The following TMEM131 variants were observed in gnomAD, a reference collection of about 807,000 sequenced individuals.
TMEM131 encodes the protein transmembrane protein 131.
A neutral mutation model predicts 211.6 loss-of-function variants in TMEM131; 66 were observed. The observed-to-expected ratio is 0.31, with a 90% CI of 0.26 to 0.38. The LOEUF (loss-of-function observed/expected upper bound fraction) is 0.38. TMEM131 is among the 10% of genes least tolerant of loss of function. The probability of loss-of-function intolerance (pLI) is 1.00; values close to 1 mark genes in which losing one functional copy is unlikely to be tolerated. For synonymous variants in TMEM131, 844 were observed against 841.3 expected, an observed-to-expected ratio of 1.00 and a Z score of -0.06; for missense variants, 2,036 against 2,299.3, an observed-to-expected ratio of 0.89 and a Z score of 2.34.
At position 97,819,121 on chromosome 2, in the gene TMEM131, G is replaced by A. The variant is rs80213803; in HGVS notation, c.1075-400C>T. Reference sequence around the variant, plus strand: ...TGAGGAAATATCTGAACCATATGACGGTGAAGAATAAACATGAACTTGGAA... The same window carrying A: ...TGAGGAAATATCTGAACCATATGACAGTGAAGAATAAACATGAACTTGGAA... On this transcript the variant is annotated intron_variant, in intron 11 of 40. Transcript: ENST00000186436. Among the ~76,000 whole-genome samples the A allele has an allele frequency of 2.7e-3, 409 of 152,288 alleles. 5 individuals are homozygous for A. The highest frequency in any genetic ancestry group is 0.026 in the East Asian group (135 of 5,188).
At chr2:97,854,212 G>A (rs1401656899) in intron 5 of TMEM131, among the ~76,000 whole-genome samples, 4 of 152,198 alleles carry the variant, frequency 2.6e-5, no homozygotes, top group Non-Finnish European at 5.9e-5. Flanking sequence ...AAAAGATGAC[G>A]ACTTGCAGAA....
chr2:97,811,890 T>C (rs965011662), intron 17 of TMEM131, among the ~76,000 whole-genome samples: 2 of 152,234 alleles, frequency 1.3e-5, no homozygotes, highest in African/African-American at 4.8e-5. Flanking sequence ...TGGTGAGTGC[T>C]GAAACTAATA....
At chr2:97,904,860 T>C (rs1180223376) in intron 3 of TMEM131, among the ~76,000 whole-genome samples, 1 of 152,022 alleles carries the variant, frequency 6.6e-6, no homozygotes, top group African/African-American at 2.4e-5. Flanking sequence ...ACAGTTTAAC[T>C]TCAAATAATA....
chr2:97,934,968 G>C (rs922667578), intron 1 of TMEM131, among the ~76,000 whole-genome samples: 6 of 150,854 alleles, frequency 4.0e-5, no homozygotes, highest in Admixed American at 6.6e-5. Flanking sequence ...AGTGTTCCTA[G>C]AGTTGACACC....
chr2:97,953,541 C>T (rs1678421803), intron 1 of TMEM131, among the ~76,000 whole-genome samples: 1 of 152,058 alleles, frequency 6.6e-6, no homozygotes, highest in Non-Finnish European at 1.5e-5. Flanking sequence ...AATAATAAAA[C>T]AAAAACTGAT....
At chr2:97,901,183 A>C (rs1411807698) in intron 3 of TMEM131, among the ~76,000 whole-genome samples, 1 of 152,202 alleles carries the variant, frequency 6.6e-6, no homozygotes, top group African/African-American at 2.4e-5. Context: ...TGAAATGCTC[A>C]TATATAGGAC....
intron 11 of TMEM131, among the ~76,000 whole-genome samples, chr2:97,820,760 G>A (rs1001219497): frequency 3.9e-5 from 6 of 152,024 alleles, no homozygotes; most frequent in Non-Finnish European, 8.8e-5. Context: ...GGGAAGCTGA[G>A]GCAGATAACT....
intron 1 of TMEM131, among the ~76,000 whole-genome samples, chr2:97,972,581 G>A (rs1045900919): frequency 1.3e-5 from 2 of 152,038 alleles, no homozygotes; most frequent in African/African-American, 4.8e-5. Context: ...CAAAATAATA[G>A]TCATCAGCCC....
At position 97,771,948 on chromosome 2, in the gene TMEM131, T is replaced by G. The variant is rs563437649; in HGVS notation, c.4448+349A>C. 2.0e-5 allele frequency among the ~76,000 whole-genome samples: 3 copies of G among 152,380 alleles called. No homozygotes were observed. In the East Asian group the frequency reaches 5.8e-4, roughly 29 times the overall value. ...TCAGAGATCTTTTGGAGGAAAGTTATGCTTGTACCTGTGGTTCAATCGTCA... is the reference window on the plus strand; with the variant it reads ...TCAGAGATCTTTTGGAGGAAAGTTAGGCTTGTACCTGTGGTTCAATCGTCA... On this transcript the variant is annotated intron_variant, in intron 33 of 40. Transcript: ENST00000186436.
intron 4 of TMEM131, among the ~76,000 whole-genome samples, chr2:97,859,673 G>A (rs1200686091): frequency 6.6e-6 from 1 of 152,184 alleles, no homozygotes; most frequent in East Asian, 1.9e-4. Context: ...TCATCCCTGA[G>A]GCTCAGAACC....
intron 3 of TMEM131, among the ~76,000 whole-genome samples, chr2:97,896,458 G>C (rs1357877899): frequency 6.6e-6 from 1 of 152,086 alleles, no homozygotes; most frequent in East Asian, 1.9e-4. Flanking sequence ...ATTGGCAGTG[G>C]ATGTTAAAGT....
chr2:97,969,063 G>A (rs572777699), intron 1 of TMEM131, among the ~76,000 whole-genome samples: 1 of 149,144 alleles, frequency 6.7e-6, no homozygotes, highest in East Asian at 2.0e-4. Flanking sequence ...CTTGAGTATG[G>A]GTGACAGAGA....
At chr2:97,916,338 T>C (rs1676506905) in intron 2 of TMEM131, among the ~76,000 whole-genome samples, 1 of 152,226 alleles carries the variant, frequency 6.6e-6, no homozygotes, top group African/African-American at 2.4e-5. Context: ...AGCAGGTATT[T>C]CTGAGAAGAC....
intron 1 of TMEM131, among the ~76,000 whole-genome samples, chr2:97,990,672 G>A (rs532283853): frequency 1.4e-4 from 21 of 152,260 alleles, no homozygotes; most frequent in African/African-American, 4.6e-4. Flanking sequence ...AACATGTGGG[G>A]AAGAAAAAAC....
rs150132634 is a variant in TMEM131 at position 97,926,565 on chromosome 2, C to T, written c.249+861G>A. 3.9e-5 allele frequency among the ~76,000 whole-genome samples: 6 copies of T among 152,198 alleles called. 1 individual carries two copies. The East Asian group carries it at 1.2e-3, about 29-fold the overall frequency. On this transcript the variant is annotated intron_variant, in intron 2 of 40. Transcript: ENST00000186436. ...GTAGGAGTCTTAGGTTTTTTTGTGG[C>T]TTAAGTAACCAATTGATACTACTTG...
intron 2 of TMEM131, among the ~76,000 whole-genome samples, chr2:97,915,061 T>C (rs1315048407): frequency 6.6e-6 from 1 of 152,206 alleles, no homozygotes; most frequent in East Asian, 1.9e-4. Context: ...CTGTTTTGTG[T>C]TTTGGGTTTT....
At chr2:97,803,329 G>A (rs1444197040) in intron 22 of TMEM131, among the ~76,000 whole-genome samples, 1 of 152,106 alleles carries the variant, frequency 6.6e-6, no homozygotes, top group Non-Finnish European at 1.5e-5. Flanking sequence ...ACAAAACAGA[G>A]TCCTCAGATT....
rs570297061 is a variant in TMEM131, at chr2:97,950,905, T to C, written c.188-23418A>G. Among the ~76,000 whole-genome samples, 5 of 152,332 alleles carry C rather than the reference T, an allele frequency of 3.3e-5. No homozygotes were observed. In the East Asian group the frequency reaches 9.6e-4, roughly 29 times the overall value. On this transcript the variant is annotated intron_variant, in intron 1 of 40. Transcript: ENST00000186436. ...GCTTAGTTTCCAGGTACTAATATCC[T>C]TTTAATAGCCTAAATTTGCAGTAAA... is the stretch of plus-strand genomic sequence containing the variant.
At position 97,811,251 on chromosome 2, in the gene TMEM131, G is replaced by T; in HGVS notation, c.1864-19C>A. On this transcript the variant is annotated intron_variant, in intron 17 of 40. Transcript: ENST00000186436. ...ATGTTACCTGTAGATAGTAGAAATG[G>T]TATCATTCATTAGCCTTGTTAGTTG... The T allele has an allele frequency of 6.3e-7, 1 of 1,581,324 alleles. No individual in the cohort carries two copies. The highest frequency in any genetic ancestry group is 8.7e-7 in the Non-Finnish European group (1 of 1,150,692).
Sources: allele counts gnomAD v4.1 joint callset (sites outside exome capture counted in the v4.1 genomes callset), GRCh38; gene constraint gnomAD v4.1.1; transcripts MANE v1.5; gene names NCBI Gene and HGNC (gene_info 2026-07-23, HGNC 2026-07-21).